CRBN: variants seen among roughly 807,000 people sequenced by gnomAD.
CRBN encodes protein cereblon.
In CRBN, 53 loss-of-function variants were observed where a neutral mutation model predicts 62.2. The ratio of observed to expected loss-of-function variants is 0.85; its 90% confidence interval spans 0.68 to 1.07. The LOEUF (loss-of-function observed/expected upper bound fraction) is 1.07. CRBN is among the 50% of genes least tolerant of loss of function. CRBN has a pLI of 0.00. For synonymous variants in CRBN, 208 were observed against 176.1 expected, an observed-to-expected ratio of 1.18 and a Z score of -1.43; for missense variants, 616 against 531.1, an observed-to-expected ratio of 1.16 and a Z score of -1.57.
chr3:3,155,791 C>CT (rs1387793571), intron 6 of CRBN: 3 of 161,134 alleles, frequency 1.9e-5, no homozygotes, highest in Admixed American at 6.0e-5. Context: ...TAATAAAACT[C>CT]TAAAGAGTCT....
intron 10 of CRBN, 34 bp downstream of exon 10, chr3:3,152,422 A>T: frequency 6.4e-7 from 1 of 1,564,784 alleles, no homozygotes; most frequent in Non-Finnish European, 8.7e-7. Flanking sequence ...AGGTAAAAAA[A>T]GAAAAAAAAA....
intron 1 of CRBN, among the ~76,000 whole-genome samples, chr3:3,178,397 C>G (rs1010943890): frequency 5.3e-5 from 8 of 152,212 alleles, no homozygotes; most frequent in African/African-American, 1.9e-4. Context: ...GCATAGATTT[C>G]TTTAGGCAAT....
At chr3:3,169,980 G>A (rs1225991262) in intron 4 of CRBN, among the ~76,000 whole-genome samples, 2 of 151,546 alleles carry the variant, frequency 1.3e-5, no homozygotes, top group Non-Finnish European at 2.9e-5. Flanking sequence ...TTTGGGGGTT[G>A]TATACTTTTT....
chr3:3,164,241 C>G (rs957982330), intron 5 of CRBN, among the ~76,000 whole-genome samples: 3 of 152,094 alleles, frequency 2.0e-5, no homozygotes, highest in African/African-American at 7.2e-5. Flanking sequence ...AAATCAAAAG[C>G]TAAAAATGAT....
chr3:3,168,575 TG>T (rs1337173533), intron 4 of CRBN, among the ~76,000 whole-genome samples: 2 of 152,194 alleles, frequency 1.3e-5, no homozygotes, highest in Non-Finnish European at 2.9e-5. Flanking sequence ...TATATTCAAA[TG>T]CTAGTATATA....
chr3:3,155,475 T>C (rs1272724489), intron 6 of CRBN: 1 of 153,022 alleles, frequency 6.5e-6, no homozygotes, highest in Non-Finnish European at 1.5e-5. Context: ...TCATAGGTCC[T>C]TGGAGAAGTA....
At chr3:3,176,257 T>C (rs1043447475) in intron 1 of CRBN, among the ~76,000 whole-genome samples, 8 of 152,228 alleles carry the variant, frequency 5.3e-5, no homozygotes, top group African/African-American at 1.7e-4. Context: ...TGCAAAATGA[T>C]AGGCTTCAAC....
intron 3 of CRBN, among the ~76,000 whole-genome samples, chr3:3,173,285 C>T (rs950650394): frequency 2.6e-5 from 4 of 151,984 alleles, no homozygotes; most frequent in East Asian, 3.8e-4. Flanking sequence ...CTCAAACTCC[C>T]GACCTCAGGT....
intron 4 of CRBN, among the ~76,000 whole-genome samples, chr3:3,171,999 G>A (rs1383499760): frequency 3.9e-5 from 6 of 152,212 alleles, no homozygotes; most frequent in Non-Finnish European, 5.9e-5. Context: ...AATATCCAGT[G>A]ATCAAGGCAA....
Position 3,152,527 on chromosome 3 carries a change from T to C in CRBN, c.1077A>G (p.Thr359=). ...AGTTGCAAGCCTTATACACAGTAAG[T>C]GTCTCATGCACATATCCATGAGGAT... ...YVNPHGYVHE[T]LTVYKACNLN... Residue 359 remains threonine, a synonymous_variant, in exon 10 of 11, where the codon ACA becomes ACG. Transcript: ENST00000231948. The C allele has an allele frequency of 1.2e-6, 2 of 1,613,890 alleles. No homozygotes were observed. Among genetic ancestry groups the C allele is most frequent in the South Asian group, 1.1e-5 (1 of 91,076 alleles).
rs200345573 is a variant in CRBN at position 3,179,339 on chromosome 3, CT to C, written c.67+281del. Among the ~76,000 whole-genome samples the C allele has an allele frequency of 8.1e-3, 1,236 of 152,316 alleles. 19 individuals are homozygous for C. The highest frequency in any genetic ancestry group is 0.029 in the African/African-American group (1,187 of 41,580). ...TTCAGAGCATTTCCTAGGAGCTAAACTCAGAACACAAGGAGGATGGAGAGGA... is the reference window on the plus strand; with the variant it reads ...TTCAGAGCATTTCCTAGGAGCTAAACCAGAACACAAGGAGGATGGAGAGGA... On this transcript the variant is annotated intron_variant, in intron 1 of 10. Coordinates refer to ENST00000231948, the MANE Select transcript of CRBN (RefSeq NM_016302.4).
chr3:3,163,778 A>G (rs1364311653), intron 5 of CRBN, among the ~76,000 whole-genome samples: 1 of 152,204 alleles, frequency 6.6e-6, no homozygotes. Flanking sequence ...CCAAATACTT[A>G]ATACAGGCAT....
chr3:3,164,516 C>T (rs1244189719), intron 5 of CRBN, among the ~76,000 whole-genome samples: 3 of 152,208 alleles, frequency 2.0e-5, no homozygotes, highest in African/African-American at 2.4e-5. Context: ...CCAATGCTCA[C>T]TGGCCATTCC....
At chr3:3,160,429 C>T (rs1707092039) in intron 5 of CRBN, among the ~76,000 whole-genome samples, 2 of 152,110 alleles carry the variant, frequency 1.3e-5, no homozygotes, top group Admixed American at 6.6e-5. Context: ...AACCAAATTC[C>T]TACATGGTAA....
chr3:3,154,134 TAC>T, intron 7 of CRBN, 59 bp from the exon 8 acceptor site: 3 of 969,758 alleles, frequency 3.1e-6, no homozygotes, highest in Non-Finnish European at 5.0e-6. Flanking sequence ...TCAGAGAACT[TAC>T]AAATCGGATA....
In CRBN at chr3:3,150,692, C is replaced by CTT. The variant is rs916672440; in HGVS notation, c.*171_*172dup. ...GTTCATGCTTGTTTCCTAAAGTATA[C>CTT]TTAAAAGTTTCAAATACAGTTTCAC... On this transcript the variant is annotated 3_prime_UTR_variant, in exon 11 of 11. Coordinates refer to ENST00000231948, the MANE Select transcript of CRBN (RefSeq NM_016302.4). The CTT allele has an allele frequency of 1.3e-5, 8 of 638,088 alleles. No individual in the cohort carries two copies. Among genetic ancestry groups the CTT allele is most frequent in the African/African-American group, 5.5e-5 (3 of 54,604 alleles). The allele number at this position is 638,088 out of a possible 1,614,324, so 39.5% of individuals were successfully genotyped here.
intron 5 of CRBN, among the ~76,000 whole-genome samples, chr3:3,166,477 T>A (rs1160193304): frequency 1.3e-5 from 2 of 152,158 alleles, no homozygotes; most frequent in African/African-American, 4.8e-5. Flanking sequence ...CTAATACAGC[T>A]ACACAAAAGC....
At chr3:3,161,798 A>C (rs746213501) in intron 5 of CRBN, among the ~76,000 whole-genome samples, 5 of 152,252 alleles carry the variant, frequency 3.3e-5, no homozygotes, top group African/African-American at 9.6e-5. Context: ...GGTCATTTGT[A>C]CATGTTATTT....
chr3:3,155,859 TAC>T, intron 6 of CRBN: 1 of 236,356 alleles, frequency 4.2e-6, no homozygotes, highest in Non-Finnish European at 8.3e-6. Context: ...CAGGCTGGAG[TAC>T]AGTGACACAA....
Sources: gnomAD v4.1 joint callset for allele counts (sites outside exome capture counted in the v4.1 genomes callset) on GRCh38, gnomAD v4.1.1 for gene constraint, MANE v1.5 for transcripts, NCBI Gene and HGNC (gene_info 2026-07-23, HGNC 2026-07-21) for gene names.